Variants in CDYL2 observed in about 807,000 individuals in gnomAD.
CDYL2 encodes the protein chromodomain Y like 2.
CDYL2 carries 23 observed loss-of-function variants against 49.4 expected under a neutral mutation model. That is an observed-to-expected ratio of 0.47 (90% CI 0.34 to 0.66). The LOEUF is 0.66. Ranked by LOEUF, CDYL2 falls within the 30% of genes least tolerant of loss-of-function variation. CDYL2 has a pLI of 0.01. For synonymous variants in CDYL2, 360 were observed against 268.8 expected (o/e 1.34, Z -3.32); for missense variants, 678 against 656.4 (o/e 1.03, Z -0.36).
rs558445466 is a variant in CDYL2, at chr16:80,643,323, G to A, written c.617-10087C>T. Among the ~76,000 whole-genome samples, 4 of 152,350 alleles carry A rather than the reference G, an allele frequency of 2.6e-5. No homozygotes were observed. In the Middle Eastern group the frequency reaches 0.01, roughly 389 times the overall value. Reference sequence around the variant, plus strand: ...AGCTCCACCCCTGTGGCTTTGCAGGGTTCAGCCTCTCTCCTGGCTGCTTTC... The same window carrying A: ...AGCTCCACCCCTGTGGCTTTGCAGGATTCAGCCTCTCTCCTGGCTGCTTTC... On this transcript the variant is annotated intron_variant, in intron 2 of 6. Coordinates refer to ENST00000570137, the MANE Select transcript of CDYL2 (RefSeq NM_152342.4).
At chr16:80,648,794 AT>A (rs1908462276) in intron 2 of CDYL2, among the ~76,000 whole-genome samples, 1 of 152,168 alleles carries the variant, frequency 6.6e-6, no homozygotes, top group Non-Finnish European at 1.5e-5. Flanking sequence ...TGTCAAAAAA[AT>A]CATGACCAAG....
intron 1 of CDYL2, among the ~76,000 whole-genome samples, chr16:80,724,788 C>A (rs148841128): frequency 6.6e-6 from 1 of 152,202 alleles, no homozygotes; most frequent in African/African-American, 2.4e-5. Context: ...TCTGCATCAC[C>A]AAGTCACCAA....
In CDYL2 at chr16:80,649,747, G is replaced by A. The variant is rs144590689; in HGVS notation, c.617-16511C>T. On this transcript the variant is annotated intron_variant, in intron 2 of 6. Transcript: ENST00000570137. ...AGAGCTACAGTAACCAAAACAGCACGGTACTGGCATAAAAACAGATACAGA... is the reference window on the plus strand; with the variant it reads ...AGAGCTACAGTAACCAAAACAGCACAGTACTGGCATAAAAACAGATACAGA... 4.6e-3 allele frequency among the ~76,000 whole-genome samples: 705 copies of A among 152,200 alleles called. 11 individuals are homozygous for A. The highest frequency in any genetic ancestry group is 0.016 in the African/African-American group (667 of 41,524).
At position 80,793,209 on chromosome 16, in the gene CDYL2, T is replaced by C. The variant is rs147417732; in HGVS notation, c.24+10941A>G. ...TAGAGTAGAAAGGCAAAGGTGCAAA[T>C]GGCAGAAGCAAATGCAAACCACAGG... On this transcript the variant is annotated intron_variant, in intron 1 of 6. Coordinates refer to ENST00000570137, the MANE Select transcript of CDYL2 (RefSeq NM_152342.4). 3.1e-3 allele frequency among the ~76,000 whole-genome samples: 474 copies of C among 152,256 alleles called. 2 individuals are homozygous for C. The highest frequency in any genetic ancestry group is 0.011 in the African/African-American group (445 of 41,548).
chr16:80,717,003 T>C (rs1447695578), intron 1 of CDYL2, among the ~76,000 whole-genome samples: 19 of 142,464 alleles, frequency 1.3e-4, no homozygotes, highest in Non-Finnish European at 3.0e-5. Context: ...GATGATTCAA[T>C]TGATGGATGG....
At chr16:80,672,846 T>C (rs1477322377) in intron 2 of CDYL2, among the ~76,000 whole-genome samples, 3 of 152,188 alleles carry the variant, frequency 2.0e-5, no homozygotes, top group Non-Finnish European at 4.4e-5. Context: ...AATAAATATC[T>C]GTTGTTGGTG....
chr16:80,627,162 A>C (rs182155420), intron 3 of CDYL2, among the ~76,000 whole-genome samples: 116 of 152,318 alleles, frequency 7.6e-4, no homozygotes, highest in African/African-American at 2.8e-3. Flanking sequence ...TCTGGGTATA[A>C]GCAACAGATA....
At chr16:80,755,602 T>C (rs533428756) in intron 1 of CDYL2, among the ~76,000 whole-genome samples, 35 of 152,306 alleles carry the variant, frequency 2.3e-4, no homozygotes, top group Admixed American at 9.8e-4. Context: ...AAGCAAACAT[T>C]TGAGATACTT....
intron 2 of CDYL2, among the ~76,000 whole-genome samples, chr16:80,653,043 G>A (rs1326183699): frequency 2.0e-5 from 3 of 152,102 alleles, no homozygotes; most frequent in African/African-American, 7.2e-5. Context: ...TTGAATACCG[G>A]TTCACCAGTT....
At chr16:80,769,373 G>A (rs779938829) in intron 1 of CDYL2, among the ~76,000 whole-genome samples, 1 of 152,196 alleles carries the variant, frequency 6.6e-6, no homozygotes, top group East Asian at 1.9e-4. Context: ...CTATATGCAA[G>A]TAACTATACT....
intron 1 of CDYL2, among the ~76,000 whole-genome samples, chr16:80,699,915 C>G (rs951236506): frequency 1.3e-5 from 2 of 151,492 alleles, no homozygotes; most frequent in East Asian, 3.9e-4. Flanking sequence ...TCGCCCAGGC[C>G]GGAGTGCAGT....
chr16:80,793,568 A>C (rs74030444), intron 1 of CDYL2, among the ~76,000 whole-genome samples: 5,871 of 152,290 alleles, frequency 0.039, 378 homozygotes, highest in African/African-American at 0.13. Flanking sequence ...CATTCAATGA[A>C]TATTTACTGA....
At chr16:80,701,610 A>G (rs2142500897) in intron 1 of CDYL2, among the ~76,000 whole-genome samples, 2 of 152,350 alleles carry the variant, frequency 1.3e-5, no homozygotes, top group East Asian at 3.9e-4. Context: ...AAACTACAAG[A>G]AGATAAACAA....
intron 2 of CDYL2, among the ~76,000 whole-genome samples, chr16:80,659,108 G>C (rs1473855537): frequency 1.4e-5 from 2 of 139,234 alleles, no homozygotes; most frequent in Non-Finnish European, 3.1e-5. Flanking sequence ...TGGACAGACG[G>C]ATGGATGGAT....
At chr16:80,631,067 G>A (rs534865617) in intron 3 of CDYL2, among the ~76,000 whole-genome samples, 27 of 152,268 alleles carry the variant, frequency 1.8e-4, no homozygotes, top group Admixed American at 1.2e-3. Flanking sequence ...GTCTTCAGTG[G>A]GCCTGGCACT....
intron 1 of CDYL2, among the ~76,000 whole-genome samples, chr16:80,688,363 G>C (rs1265727366): frequency 1.3e-5 from 2 of 152,078 alleles, no homozygotes; most frequent in Non-Finnish European, 2.9e-5. Flanking sequence ...GTATGACCTT[G>C]GGCATGTCAC....
intron 1 of CDYL2, among the ~76,000 whole-genome samples, chr16:80,770,462 T>C (rs983193371): frequency 2.0e-5 from 3 of 152,136 alleles, no homozygotes; most frequent in South Asian, 4.1e-4. Flanking sequence ...CTAAATATTG[T>C]ATGTAGAAAA....
intron 1 of CDYL2, among the ~76,000 whole-genome samples, chr16:80,780,097 GA>G (rs1467167867): frequency 6.6e-6 from 1 of 152,030 alleles, no homozygotes; most frequent in Non-Finnish European, 1.5e-5. Context: ...ATCTTATAAA[GA>G]AAGTTGTAAA....
chr16:80,776,332 T>C (rs367930132), intron 1 of CDYL2, among the ~76,000 whole-genome samples: 2 of 152,090 alleles, frequency 1.3e-5, no homozygotes, highest in South Asian at 2.1e-4. Context: ...GGTGAATCTG[T>C]TATAATCTAG....
Sources: gnomAD v4.1 joint callset for allele counts (sites outside exome capture counted in the v4.1 genomes callset) on GRCh38, gnomAD v4.1.1 for gene constraint, MANE v1.5 for transcripts, NCBI Gene and HGNC (gene_info 2026-07-23, HGNC 2026-07-21) for gene names.